ARAP2: variants seen among roughly 807,000 people sequenced by gnomAD.
ARAP2 encodes ArfGAP with RhoGAP domain, ankyrin repeat and PH domain 2, also known as arf-GAP with Rho-GAP domain, ANK repeat and PH domain-containing protein 2.
Under a neutral mutation model 194.5 loss-of-function variants are expected in ARAP2, and 148 were observed. That is an observed-to-expected ratio of 0.76 (90% CI 0.67 to 0.87). The LOEUF (loss-of-function observed/expected upper bound fraction) is 0.87. Among genes scored for constraint, ARAP2 ranks in the 40% least tolerant of loss-of-function variants. ARAP2 has a pLI of 0.00. For synonymous variants in ARAP2, 695 were observed against 683.5 expected (o/e 1.02, Z -0.26); for missense variants, 2,128 against 1,989.7 (o/e 1.07, Z -1.32).
chr4:36,207,133 C>T (rs1745711056), intron 6 of ARAP2, among the ~76,000 whole-genome samples: 1 of 152,224 alleles, frequency 6.6e-6, no homozygotes, highest in Admixed American at 6.5e-5. Context: ...TCAAACATTT[C>T]TCTTCTGAGA....
intron 27 of ARAP2, among the ~76,000 whole-genome samples, chr4:36,095,653 T>C (rs1236395121): frequency 6.6e-6 from 1 of 152,166 alleles, no homozygotes; most frequent in African/African-American, 2.4e-5. Context: ...TAGAAATCAT[T>C]TCAACTAATT....
At position 36,158,832 on chromosome 4, in the gene ARAP2, C is replaced by T. The variant is rs766944425; in HGVS notation, c.2650G>A (p.Val884Ile). The T allele has an allele frequency of 3.7e-6, 6 of 1,609,762 alleles. No homozygotes were observed. The African/African-American group carries it at 6.7e-5, about 18-fold the overall frequency. The change falls in exon 15 of 33, where the codon GTA becomes ATA. Residue 884 changes from valine (V) to isoleucine (I), a missense_variant. Val to Ile is a conservative substitution (Grantham distance 29, BLOSUM62 3). Transcript: ENST00000303965. ...FPQHDIHSEG[V>I]LSQESSQSTF... ...GACTGGGAAGACTCTTGACTTAATA[C>T]ACCCTCGGAATGAATATCATGTTGA...
rs1740786913 is a variant in ARAP2, at chr4:36,187,304, A to C, written c.1678+147T>G. On this transcript the variant is annotated intron_variant, in intron 8 of 32. Coordinates refer to ENST00000303965, the MANE Select transcript of ARAP2 (RefSeq NM_015230.4). ...CTTGTCAACTTATTTATGTTTTAACATTATGCATTTGAAAAATTAATTTTA... is the reference window on the plus strand; with the variant it reads ...CTTGTCAACTTATTTATGTTTTAACCTTATGCATTTGAAAAATTAATTTTA... The C allele has an allele frequency of 2.1e-5, 9 of 429,388 alleles. No homozygotes were observed. The East Asian group carries it at 3.6e-4, about 17-fold the overall frequency. The allele number at this position is 429,388 out of a possible 1,614,324, so 26.6% of individuals were successfully genotyped here. A position where few individuals can be genotyped will look rare whatever the true frequency, so the allele number is the denominator to read the frequency against.
intron 23 of ARAP2, among the ~76,000 whole-genome samples, chr4:36,120,646 A>G (rs1468955405): frequency 6.6e-6 from 1 of 151,638 alleles, no homozygotes; most frequent in African/African-American, 2.4e-5. Flanking sequence ...AATCATCCCT[A>G]CTCCAACAGT....
intron 28 of ARAP2, among the ~76,000 whole-genome samples, chr4:36,091,289 G>A: frequency 6.6e-6 from 1 of 152,054 alleles, no homozygotes; most frequent in Admixed American, 6.6e-5. Flanking sequence ...ATTTTCTGAT[G>A]TTAAGTTCAA....
intron 8 of ARAP2, among the ~76,000 whole-genome samples, chr4:36,179,593 GA>G (rs1463846693): frequency 1.3e-5 from 2 of 152,130 alleles, no homozygotes; most frequent in Non-Finnish European, 2.9e-5. Context: ...TGGGCTACCA[GA>G]ACATATGGAG....
At chr4:36,015,325 T>A (rs1188456490) in intron 8 of ARAP2, 3 of 152,216 alleles carry the variant, frequency 2.0e-5, no homozygotes, top group Non-Finnish European at 4.4e-5. Flanking sequence ...TATTGAGTAA[T>A]TTTATGTTGC....
intron 1 of ARAP2, among the ~76,000 whole-genome samples, chr4:36,239,267 A>C (rs1024760541): frequency 5.3e-5 from 8 of 152,072 alleles, no homozygotes; most frequent in African/African-American, 1.7e-4. Context: ...GCTGTCTCAA[A>C]AAAAAAAAGA....
At chr4:36,105,528 T>C (rs1312410589) in intron 27 of ARAP2, among the ~76,000 whole-genome samples, 1 of 151,986 alleles carries the variant, frequency 6.6e-6, no homozygotes, top group African/African-American at 2.4e-5. Flanking sequence ...CTAGAAGATG[T>C]AATGGGATAG....
At chr4:36,210,814 A>G in intron 5 of ARAP2, 71 bp from the exon 6 acceptor site, 1 of 1,113,166 alleles carries the variant, frequency 9.0e-7, no homozygotes, top group Non-Finnish European at 1.3e-6. Flanking sequence ...CATTTTGAAA[A>G]TTTATAAATA....
At chr4:36,026,734 T>A (rs1183404492) in intron 5 of ARAP2, among the ~76,000 whole-genome samples, 4 of 152,218 alleles carry the variant, frequency 2.6e-5, no homozygotes, top group Admixed American at 6.5e-5. Flanking sequence ...GTGTTTTTGA[T>A]GTGAATTATG....
chr4:36,181,865 C>A (rs558405115), intron 8 of ARAP2, among the ~76,000 whole-genome samples: 20 of 152,206 alleles, frequency 1.3e-4, no homozygotes, highest in African/African-American at 4.8e-4. Context: ...GTACCTTAAA[C>A]ACAAGATGGG....
rs1553923175 is a variant in ARAP2, at chr4:36,156,354, A to AGAGAGGGAGG, written c.2752+2375_2752+2376insCCTCCCTCTC. ...GAGGGAGGGAAAGAGAGAGAGAGAG[A>AGAGAGGGAGG]GAGGGAGGGAGGGAGGGAGGGGGAA... On this transcript the variant is annotated intron_variant, in intron 15 of 32. Coordinates refer to ENST00000303965, the MANE Select transcript of ARAP2 (RefSeq NM_015230.4). Among the ~76,000 whole-genome samples, 25 of 41,394 alleles carry AGAGAGGGAGG rather than the reference A, an allele frequency of 6.0e-4. 3 individuals are homozygous for AGAGAGGGAGG. Among genetic ancestry groups the AGAGAGGGAGG allele is most frequent in the South Asian group, 4.5e-3 (3 of 662 alleles). The allele number at this position is 41,394 out of a possible 152,430, so 27.2% of individuals were successfully genotyped here.
intron 27 of ARAP2, among the ~76,000 whole-genome samples, chr4:36,102,500 TGAGTAA>T (rs1450631715): frequency 6.6e-6 from 1 of 151,964 alleles, no homozygotes; most frequent in Non-Finnish European, 1.5e-5. Flanking sequence ...GTACTTTTAG[TGAGTAA>T]GAGTAAAATA....
rs774310298 is a variant in ARAP2 at position 36,164,910 on chromosome 4, T to C, written c.2173+4A>G. On this transcript the variant is annotated splice_donor_region_variant and intron_variant, in intron 11 of 32. Transcript: ENST00000303965. Reference sequence around the variant, plus strand: ...TGTGATGAGCATAACTTGTCACTAATTACCTGCACACTTCTTACAGATGAC... The same window carrying C: ...TGTGATGAGCATAACTTGTCACTAACTACCTGCACACTTCTTACAGATGAC... The C allele has an allele frequency of 6.2e-7, 1 of 1,613,642 alleles. No homozygotes were observed. The highest frequency in any genetic ancestry group is 8.5e-7 in the Non-Finnish European group (1 of 1,179,586).
chr4:36,021,082 T>G (rs756794956), intron 5 of ARAP2, among the ~76,000 whole-genome samples: 1 of 152,220 alleles, frequency 6.6e-6, no homozygotes, highest in South Asian at 2.1e-4. Context: ...TTGGAAATGA[T>G]AGGTTAGAGG....
chr4:36,119,518 GTTT>G (rs60869581), intron 24 of ARAP2, 129 bp downstream of exon 24: 2 of 491,684 alleles, frequency 4.1e-6, no homozygotes, highest in Non-Finnish European at 7.0e-6. Context: ...CAACCAATTA[GTTT>G]TTTTTTTCAC....
intron 9 of ARAP2, among the ~76,000 whole-genome samples, chr4:36,172,784 G>A (rs575514011): frequency 1.3e-5 from 2 of 152,306 alleles, no homozygotes; most frequent in Admixed American, 1.3e-4. Flanking sequence ...TTAAACATTT[G>A]TTGAAAACAG....
intron 6 of ARAP2, among the ~76,000 whole-genome samples, chr4:36,195,189 T>C (rs1324408726): frequency 6.6e-6 from 1 of 152,018 alleles, no homozygotes; most frequent in Non-Finnish European, 1.5e-5. Context: ...TTTAAAAGCA[T>C]ATTACCACAA....
Sources: gnomAD v4.1 joint callset for allele counts (sites outside exome capture counted in the v4.1 genomes callset) on GRCh38, gnomAD v4.1.1 for gene constraint, MANE v1.5 for transcripts, NCBI Gene and HGNC (gene_info 2026-07-23, HGNC 2026-07-21) for gene names.